The following COL1A1 variants were observed in gnomAD, a reference collection of about 807,000 sequenced individuals.
COL1A1 encodes the protein collagen alpha-1(I) chain.
Under a neutral mutation model 195.7 loss-of-function variants are expected in COL1A1, and 21 were observed. The ratio of observed to expected loss-of-function variants is 0.11; its 90% CI spans 0.08 to 0.15. The LOEUF (loss-of-function observed/expected upper bound fraction) is 0.15, where lower values mean the gene tolerates loss of function less well. COL1A1 is among the 10% of genes least tolerant of loss of function. The pLI is 1.00. For missense variants in COL1A1, 1,365 were observed against 2,051.0 expected, an observed-to-expected ratio of 0.67 and a Z score of 6.46; for synonymous variants, 749 against 747.3, an observed-to-expected ratio of 1.00 and a Z score of -0.04.
chr17:50,192,699 C>A lies in COL1A1; in HGVS notation c.1876-6G>T, dbSNP rs763222869. ...CCTCTCTCGCCAGCGGGACCCTGCA[C>A]AGAGAGAACACTACAGTCACGGGGA... On this transcript the variant is annotated splice_polypyrimidine_tract_variant and splice_region_variant and intron_variant, in intron 27 of 50. Coordinates refer to ENST00000225964, the MANE Select transcript of COL1A1 (RefSeq NM_000088.4). 5.0e-6 allele frequency: 8 copies of A among 1,614,038 alleles called. No homozygotes were observed.
In COL1A1 at chr17:50,194,565, G is replaced by A. The variant is rs538068477; in HGVS notation, c.1515+8C>T. ...AGGGTCAGCCCCCCGGCCGCAAGGAGAGGTTACCTTGGGACCAGCAACACC... is the reference window on the plus strand; with the variant it reads ...AGGGTCAGCCCCCCGGCCGCAAGGAAAGGTTACCTTGGGACCAGCAACACC... On this transcript the variant is annotated splice_region_variant and intron_variant, in intron 22 of 50. Transcript: ENST00000225964. The surrounding 1 kb of genome is among the most constrained non-coding windows in gnomAD (Gnocchi z 6.8). The A allele has an allele frequency of 6.3e-7, 1 of 1,594,130 alleles. No individual in the cohort carries two copies. Among genetic ancestry groups the A allele is most frequent in the Non-Finnish European group, 8.5e-7 (1 of 1,170,410 alleles).
In COL1A1 at chr17:50,199,800, G is replaced by C. The variant is rs775095655; in HGVS notation, c.251C>G (p.Ala84Gly). Residue 84 changes from alanine (A) to glycine (G), a missense_variant, in exon 2 of 51, where the codon GCC (alanine) becomes GGC (glycine). By Grantham distance (60) the Ala-to-Gly change is moderately conservative. Around this residue, in one of 5 missense-constraint regions of COL1A1, gnomAD observed 194 missense variants for 221.7 expected, o/e 0.88. Transcript: ENST00000225964. ...ICDETKNCPG[A>G]EVPEGECCPV... Reference sequence around the variant, plus strand: ...ACAGCACTCGCCCTCGGGGACTTCGGCGCCGGGGCAGTTCTTGGTCTCGTC... The same window carrying C: ...ACAGCACTCGCCCTCGGGGACTTCGCCGCCGGGGCAGTTCTTGGTCTCGTC... 42 of 1,613,882 alleles carry C rather than the reference G, an allele frequency of 2.6e-5. 1 individual carries two copies. The highest frequency in any genetic ancestry group is 3.3e-5 in the Admixed American group (2 of 60,026).
In COL1A1 at chr17:50,195,365, G is replaced by A. The variant is rs374094294; in HGVS notation, c.1201-35C>T. On this transcript the variant is annotated intron_variant, in intron 18 of 50. Transcript: ENST00000225964. The surrounding 1 kb of genome is among the most constrained non-coding windows in gnomAD (Gnocchi z 4.3). ...GCAGACAGCCAGGGCGTGAGCCTAG[G>A]AGCAGAGGGAAAGGGGCAGGCAGGC... The A allele has an allele frequency of 1.7e-5, 28 of 1,613,704 alleles. No homozygotes were observed. The highest frequency in any genetic ancestry group is 2.3e-5 in the Non-Finnish European group (27 of 1,179,754).
rs1907526700 is a variant in COL1A1 at position 50,195,761 on chromosome 17, C to T, written c.1057-96G>A. ...GGAAGGGGAGACAGGGACAGGAGAG[C>T]AATGATCAGGACTCTAAGATCAGAG... On this transcript the variant is annotated intron_variant, in intron 16 of 50. Transcript: ENST00000225964. This position sits in a 1 kb window ranked among gnomAD's most constrained non-coding sequence, Gnocchi z 4.3. 7.2e-7 allele frequency: 1 copy of T among 1,387,300 alleles called. No individual in the cohort carries two copies. The highest frequency in any genetic ancestry group is 1.4e-5 in the African/African-American group (1 of 70,288). 85.9% of individuals were successfully genotyped at this position (1,387,300 alleles called of 1,614,324 possible). A position where few individuals can be genotyped will look rare whatever the true frequency, so the allele number is the denominator to read the frequency against.
intron 1 of COL1A1, chr17:50,200,338 A>C: frequency 5.6e-6 from 2 of 355,972 alleles, no homozygotes; most frequent in South Asian, 4.6e-5. Flanking sequence ...TGGTAGAGAC[A>C]GGAGGAGGGC....
chr17:50,197,782 G>T lies in COL1A1; in HGVS notation c.646C>A (p.Pro216Thr), dbSNP rs766891244. Residue 216 changes from proline (P) to threonine (T), a missense_variant, in exon 9 of 51, where the codon CCC becomes ACC. Pro to Thr is a conservative substitution (Grantham distance 38). Transcript: ENST00000225964. The stretch of plus-strand genomic sequence containing the variant: ...CCTGGGGGACCTCGGGGACCCATGG[G>T]ACCCTAGAAAAGATAGAAGAGGTGG... ...GEPGEPGASGPMGPRGPPGPP... is the reference protein window; with the variant it reads ...GEPGEPGASGTMGPRGPPGPP... The T allele has an allele frequency of 6.2e-7, 1 of 1,609,114 alleles. No individual in the cohort carries two copies. Among genetic ancestry groups the T allele is most frequent in the East Asian group, 2.2e-5 (1 of 44,850 alleles).
intron 32 of COL1A1, 102 bp from the exon 33 acceptor site, chr17:50,191,026 GC>G: frequency 9.1e-7 from 1 of 1,099,004 alleles, no homozygotes; most frequent in East Asian, 2.5e-5. Flanking sequence ...CTGCAGCTCT[GC>G]CCTGCCTCCA....
At position 50,194,233 on chromosome 17, in the gene COL1A1, G is replaced by A. The variant is rs1907360396; in HGVS notation, c.1615-50C>T. 1 of 1,597,130 alleles carries A rather than the reference G, an allele frequency of 6.3e-7. No homozygotes were observed. The highest frequency in any genetic ancestry group is 2.0e-4 in the Middle Eastern group (1 of 5,092). ...GGGACTTGGGGAGAAGCATGATGGA[G>A]GTGGGGGAGGACTCCAGAGGGCAGA... On this transcript the variant is annotated intron_variant, in intron 23 of 50. Transcript: ENST00000225964. This position sits in a 1 kb window ranked among gnomAD's most constrained non-coding sequence, Gnocchi z 6.8.
Position 50,190,141 on chromosome 17 carries a change from A to G in COL1A1, c.2452-33T>C, listed in dbSNP as rs73987445. 1.4e-3 allele frequency: 2,162 copies of G among 1,583,424 alleles called. 25 individuals carry two copies. In the African/African-American group the frequency reaches 0.026, roughly 19 times the overall value. On this transcript the variant is annotated intron_variant, in intron 35 of 50. Coordinates refer to ENST00000225964, the MANE Select transcript of COL1A1 (RefSeq NM_000088.4). The surrounding 1 kb of genome is among the most constrained non-coding windows in gnomAD (Gnocchi z 4.7). ...AGGAAGCAGGGCGGTGAATGGAGGGAAGGAGGCAGGAGTTTCCACTACCTG... is the reference window on the plus strand; with the variant it reads ...AGGAAGCAGGGCGGTGAATGGAGGGGAGGAGGCAGGAGTTTCCACTACCTG...
chr17:50,184,555 G>GTGCT lies in COL1A1; in HGVS notation c.*946_*947insAGCA. ...AAAAGGAACATTTGCTGGCCTGGGGGGGCATCTCAATTTCTATAGCACCAG... is the reference window on the plus strand; with the variant it reads ...AAAAGGAACATTTGCTGGCCTGGGGGTGCTGGCATCTCAATTTCTATAGCACCAG... On this transcript the variant is annotated 3_prime_UTR_variant, in exon 51 of 51. Transcript: ENST00000225964. 4.3e-6 allele frequency: 1 copy of GTGCT among 232,104 alleles called. No individual in the cohort carries two copies. The highest frequency in any genetic ancestry group is 6.1e-5 in the East Asian group (1 of 16,346). 14.4% of individuals were successfully genotyped at this position (232,104 alleles called of 1,614,324 possible). A position where few individuals can be genotyped will look rare whatever the true frequency, so the allele number is the denominator to read the frequency against.
chr17:50,189,748 A>G lies in COL1A1; in HGVS notation c.2614-16T>C. 2 of 1,614,040 alleles carry G rather than the reference A, an allele frequency of 1.2e-6. No individual in the cohort carries two copies. Among genetic ancestry groups the G allele is most frequent in the Non-Finnish European group, 1.7e-6 (2 of 1,179,974 alleles). On this transcript the variant is annotated splice_polypyrimidine_tract_variant and intron_variant, in intron 37 of 50. Transcript: ENST00000225964. The surrounding 1 kb of genome is among the most constrained non-coding windows in gnomAD (Gnocchi z 5.5). Reference sequence around the variant, plus strand: ...CAGTAGCACCCTGGAAGGAGAGAACATAGGAACAGTCAGAGGGAGAACAGC... The same window carrying G: ...CAGTAGCACCCTGGAAGGAGAGAACGTAGGAACAGTCAGAGGGAGAACAGC...
Position 50,189,975 on chromosome 17 carries a change from T to A in COL1A1, c.2559+26A>T, listed in dbSNP as rs374375343. On this transcript the variant is annotated intron_variant, in intron 36 of 50. Transcript: ENST00000225964. The surrounding 1 kb of genome is among the most constrained non-coding windows in gnomAD (Gnocchi z 5.5). ...CCTGGGTCCCAGCCCACCAGCCTCG[T>A]GGGCACAGAGGGCCAAGCCACTCAC... 1 of 1,613,144 alleles carries A rather than the reference T, an allele frequency of 6.2e-7. No individual in the cohort carries two copies. The highest frequency in any genetic ancestry group is 2.2e-5 in the East Asian group (1 of 44,812).
At chr17:50,197,489 C>T (rs1248269415) in intron 9 of COL1A1, among the ~76,000 whole-genome samples, 7 of 152,198 alleles carry the variant, frequency 4.6e-5, no homozygotes, top group African/African-American at 1.7e-4. Flanking sequence ...ACCAATTTCC[C>T]CAAAGGGATG....
rs764395580 is a variant in COL1A1 at position 50,189,469 on chromosome 17, T to C, written c.2737A>G (p.Thr913Ala). 1.9e-6 allele frequency: 3 copies of C among 1,613,082 alleles called. No individual in the cohort carries two copies. The highest frequency in any genetic ancestry group is 4.5e-5 in the East Asian group (2 of 44,806). Residue 913 changes from threonine to alanine, a missense_variant, in exon 39 of 51, where the codon ACT (threonine) becomes GCT (alanine). Physicochemically the swap from Thr to Ala is moderately conservative, Grantham distance 58. Coordinates refer to ENST00000225964, the MANE Select transcript of COL1A1 (RefSeq NM_000088.4). This position sits in a 1 kb window ranked among gnomAD's most constrained non-coding sequence, Gnocchi z 5.5. ...TCACCAGGACGTCCAGCAGGGCCAG[T>C]CTCACCACGGGGACCTTTGCCGCCT... Reference protein sequence around the residue: ...KEGGKGPRGETGPAGRPGEVG... With the variant: ...KEGGKGPRGEAGPAGRPGEVG...
In COL1A1 at chr17:50,190,772, G is replaced by A. The variant is rs1363271465; in HGVS notation, c.2343+45C>T. 2 of 1,559,536 alleles carry A rather than the reference G, an allele frequency of 1.3e-6. No individual in the cohort carries two copies. The highest frequency in any genetic ancestry group is 1.4e-5 in the African/African-American group (1 of 73,842). ...ACGGAACCGTGCCCAGGCCTGCTGA[G>A]GAGGCTATGTGTTAGGGCAGAAGGT... is the stretch of plus-strand genomic sequence containing the variant. On this transcript the variant is annotated intron_variant, in intron 33 of 50. Coordinates refer to ENST00000225964, the MANE Select transcript of COL1A1 (RefSeq NM_000088.4). The surrounding 1 kb of genome is among the most constrained non-coding windows in gnomAD (Gnocchi z 4.7).
Position 50,199,239 on chromosome 17 carries a change from G to A in COL1A1, c.458C>T (p.Pro153Leu). The A allele has an allele frequency of 1.4e-6, 2 of 1,466,354 alleles. No individual in the cohort carries two copies. The highest frequency in any genetic ancestry group is 1.8e-6 in the Non-Finnish European group (2 of 1,105,470). The allele number at this position is 1,466,354 out of a possible 1,614,324, so 90.8% of individuals were successfully genotyped here. The change falls in exon 5 of 51, where the codon CCT becomes CTT. Residue 153 changes from proline to leucine, a missense_variant. Transcript: ENST00000225964. ...CTCTCCACTTACTCCTCCGAGGCCAGGGGGTCCGGGAGGTCCGGGGGGTCC... is the reference window on the plus strand; with the variant it reads ...CTCTCCACTTACTCCTCCGAGGCCAAGGGGTCCGGGAGGTCCGGGGGGTCC... The part of the protein sequence containing the change: ...PPGPPGPPGP[P>L]GLGGNFAPQL...
At chr17:50,187,232 A>C in intron 46 of COL1A1, 110 bp from the exon 47 acceptor site, 1 of 946,952 alleles carries the variant, frequency 1.1e-6, no homozygotes, top group South Asian at 1.5e-5. Flanking sequence ...CGGCTCATAG[A>C]GCCAGCCTCA....
At chr17:50,198,127 C>A in intron 7 of COL1A1, 34 bp downstream of exon 7, 1 of 1,613,682 alleles carries the variant, frequency 6.2e-7, no homozygotes, top group Non-Finnish European at 8.5e-7. Context: ...GACCAAAGCC[C>A]AAGGAGGCAT....
At position 50,190,993 on chromosome 17, in the gene COL1A1, G is replaced by T; in HGVS notation, c.2236-69C>A. 1 of 1,472,956 alleles carries T rather than the reference G, an allele frequency of 6.8e-7. No individual in the cohort carries two copies. Among genetic ancestry groups the T allele is most frequent in the Non-Finnish European group, 9.4e-7 (1 of 1,059,862 alleles). 91.2% of individuals were successfully genotyped at this position (1,472,956 alleles called of 1,614,324 possible). On this transcript the variant is annotated intron_variant, in intron 32 of 50. Transcript: ENST00000225964. This position sits in a 1 kb window ranked among gnomAD's most constrained non-coding sequence, Gnocchi z 4.7. ...AGGTGACCTATAGTGTTCTGCTTGT[G>T]TCTGGGTTTCCTGAGAGGCCCTCTG...
Sources: gnomAD v4.1 joint callset for allele counts (sites outside exome capture counted in the v4.1 genomes callset) on GRCh38, gnomAD v4.1.1 for gene constraint, gnomAD v4.1.1 regional missense constraint, Gnocchi (gnomAD v3.1) non-coding constraint, MANE v1.5 for transcripts, NCBI Gene and HGNC (gene_info 2026-07-23, HGNC 2026-07-21) for gene names.